The following KCNN2 variants were observed in gnomAD, a reference collection of about 807,000 sequenced individuals.
KCNN2 encodes the protein potassium calcium-activated channel subfamily N member 2, also known as small conductance calcium-activated potassium channel protein 2.
Under a neutral mutation model 55.5 loss-of-function variants are expected in KCNN2, and 24 were observed. The ratio of observed to expected loss-of-function variants is 0.43; its 90% CI spans 0.31 to 0.61. KCNN2 has a LOEUF of 0.61. Ranked by LOEUF, KCNN2 falls within the 20% of genes least tolerant of loss-of-function variation. The pLI is 0.08. For synonymous variants in KCNN2, 431 were observed against 336.1 expected (o/e 1.28, Z -3.09); for missense variants, 754 against 853.6 (o/e 0.88, Z 1.45).
intron 6 of KCNN2, among the ~76,000 whole-genome samples, chr5:114,487,381 G>A (rs1580922104): frequency 1.3e-5 from 2 of 152,032 alleles, no homozygotes; most frequent in East Asian, 1.9e-4. Context: ...TCACTTATTA[G>A]TACTAGAATA....
intron 1 of KCNN2, among the ~76,000 whole-genome samples, chr5:114,102,793 T>C (rs1306209465): frequency 6.6e-6 from 1 of 152,224 alleles, no homozygotes. Context: ...TCCATTGCTC[T>C]ATATATCTGT....
chr5:114,313,277 T>C (rs1756440768), intron 2 of KCNN2, among the ~76,000 whole-genome samples: 1 of 152,076 alleles, frequency 6.6e-6, no homozygotes, highest in Admixed American at 6.6e-5. Context: ...AATCCTCAGT[T>C]ATTAACTTCA....
chr5:114,210,734 A>G (rs1478195470), intron 1 of KCNN2, among the ~76,000 whole-genome samples: 1 of 152,188 alleles, frequency 6.6e-6, no homozygotes, highest in African/African-American at 2.4e-5. Context: ...AGGAAGCACA[A>G]AGAGGTGAAT....
At chr5:114,398,772 G>A (rs1333167476) in intron 2 of KCNN2, among the ~76,000 whole-genome samples, 1 of 152,062 alleles carries the variant, frequency 6.6e-6, no homozygotes. Context: ...TTGTTTGGTT[G>A]TATTCCTAGG....
intron 2 of KCNN2, among the ~76,000 whole-genome samples, chr5:114,370,399 C>G (rs1757725599): frequency 6.6e-6 from 1 of 152,186 alleles, no homozygotes; most frequent in South Asian, 2.1e-4. Flanking sequence ...AGGAGGGGCC[C>G]TTTCCTCTTG....
At chr5:114,183,598 A>G (rs1753277513) in intron 1 of KCNN2, among the ~76,000 whole-genome samples, 2 of 152,036 alleles carry the variant, frequency 1.3e-5, no homozygotes, top group African/African-American at 2.4e-5. Flanking sequence ...GAATCTGTCC[A>G]TTTCATGTAA....
At chr5:114,181,755 G>A (rs35425232) in intron 1 of KCNN2, among the ~76,000 whole-genome samples, 16,212 of 152,084 alleles carry the variant, frequency 0.11, 1,043 homozygotes, top group Middle Eastern at 0.23. Context: ...GGTGTCTCAC[G>A]CCTGTAATCC....
intron 1 of KCNN2, among the ~76,000 whole-genome samples, chr5:114,088,419 G>A (rs1751062219): frequency 6.6e-6 from 1 of 150,938 alleles, no homozygotes; most frequent in Admixed American, 6.6e-5. Flanking sequence ...TAACTTTTCA[G>A]TTCTGTTCTT....
intron 1 of KCNN2, among the ~76,000 whole-genome samples, chr5:114,089,006 T>C (rs1751080543): frequency 6.6e-6 from 1 of 152,250 alleles, no homozygotes; most frequent in African/African-American, 2.4e-5. Flanking sequence ...TCCTTAAACA[T>C]ATTTATAATA....
intron 1 of KCNN2, among the ~76,000 whole-genome samples, chr5:114,218,230 TTG>T (rs1754049445): frequency 6.6e-6 from 1 of 152,222 alleles, no homozygotes; most frequent in Non-Finnish European, 1.5e-5. Context: ...GTTGTGCTTC[TTG>T]ATATTTACCC....
intron 2 of KCNN2, among the ~76,000 whole-genome samples, chr5:114,281,608 T>C (rs1275480176): frequency 7.4e-6 from 1 of 135,356 alleles, no homozygotes; most frequent in African/African-American, 2.8e-5. Flanking sequence ...TCTCTCTCTC[T>C]CCCCGCCCCT....
At chr5:114,491,338 ACTTTATACAAATTC>A (rs1272030299) in intron 6 of KCNN2, among the ~76,000 whole-genome samples, 1 of 152,094 alleles carries the variant, frequency 6.6e-6, no homozygotes, top group Admixed American at 6.6e-5. Flanking sequence ...TGAACATGAA[ACTTTATACAAATTC>A]CTTTATACAA....
intron 1 of KCNN2, among the ~76,000 whole-genome samples, chr5:114,140,603 A>G (rs575548804): frequency 1.2e-3 from 187 of 152,174 alleles, no homozygotes; most frequent in Middle Eastern, 3.4e-3. Context: ...TTTTATACAA[A>G]TAAATCAAAT....
At chr5:114,399,930 G>GTTTTTTTTTTTTTT (rs35266559) in intron 2 of KCNN2, among the ~76,000 whole-genome samples, 7 of 129,860 alleles carry the variant, frequency 5.4e-5, no homozygotes, top group African/African-American at 8.4e-5. Flanking sequence ...TTTTTTTTTT[G>GTTTTTTTTTTTTTT]TTTTTTTTTT....
At chr5:114,246,054 A>G (rs886651069) in intron 2 of KCNN2, among the ~76,000 whole-genome samples, 1 of 152,226 alleles carries the variant, frequency 6.6e-6, no homozygotes. Context: ...TTCAAGCTTC[A>G]GTACAGTACC....
chr5:114,467,623 A>G (rs1207918892), intron 4 of KCNN2, among the ~76,000 whole-genome samples: 2 of 152,132 alleles, frequency 1.3e-5, no homozygotes, highest in Admixed American at 6.6e-5. Flanking sequence ...TTTCAGTCAT[A>G]AGGCTAAATT....
chr5:114,372,144 A>G (rs181949), intron 2 of KCNN2, among the ~76,000 whole-genome samples: 68,808 of 151,960 alleles, frequency 0.45, 16,212 homozygotes, highest in East Asian at 0.85. Flanking sequence ...GCAAGACTCC[A>G]GCGTTTAAAT....
At chr5:114,458,556 C>G (rs1024788447) in intron 3 of KCNN2, among the ~76,000 whole-genome samples, 6 of 152,274 alleles carry the variant, frequency 3.9e-5, no homozygotes, top group Non-Finnish European at 8.8e-5. Context: ...TATTACTTCC[C>G]TGCTATGTTT....
intron 1 of KCNN2, among the ~76,000 whole-genome samples, chr5:114,068,133 T>A (rs1750489115): frequency 6.6e-6 from 1 of 152,106 alleles, no homozygotes; most frequent in South Asian, 2.1e-4. Context: ...ATAACTAGAG[T>A]AGTTTACAAG....
Sources: allele counts gnomAD v4.1 joint callset (sites outside exome capture counted in the v4.1 genomes callset), GRCh38; gene constraint gnomAD v4.1.1; transcripts MANE v1.5; gene names NCBI Gene and HGNC (gene_info 2026-07-23, HGNC 2026-07-21).